The following PDIA5 variants were observed in gnomAD, a reference collection of about 807,000 sequenced individuals.
The protein encoded by PDIA5 is protein disulfide isomerase family A member 5.
A neutral mutation model predicts 77.6 loss-of-function variants in PDIA5; 58 were observed. That is an observed-to-expected ratio of 0.75 (90% CI 0.61 to 0.93). The LOEUF (loss-of-function observed/expected upper bound fraction) is 0.93. Among genes scored for constraint, PDIA5 ranks in the 40% least tolerant of loss-of-function variants. PDIA5 has a pLI of 0.00. For synonymous variants in PDIA5, 250 were observed against 252.1 expected (o/e 0.99, Z 0.08); for missense variants, 630 against 647.7 (o/e 0.97, Z 0.30).
At chr3:123,131,323 G>A (rs1173269441) in intron 11 of PDIA5, among the ~76,000 whole-genome samples, 4 of 152,058 alleles carry the variant, frequency 2.6e-5, no homozygotes, top group African/African-American at 9.7e-5. Flanking sequence ...GGGAGGCTGA[G>A]GCAGGAGAAT....
intron 3 of PDIA5, among the ~76,000 whole-genome samples, chr3:123,094,416 G>T (rs578007041): frequency 2.0e-5 from 3 of 152,326 alleles, no homozygotes; most frequent in Admixed American, 6.5e-5. Context: ...GGCCCATGTA[G>T]GCCACTCTAG....
At chr3:123,084,076 T>C (rs932574070) in intron 1 of PDIA5, among the ~76,000 whole-genome samples, 1 of 152,012 alleles carries the variant, frequency 6.6e-6, no homozygotes, top group African/African-American at 2.4e-5. Context: ...TCTCCCTGGA[T>C]TCTCCCTGAT....
chr3:123,146,857 C>T (rs564034040), intron 13 of PDIA5, among the ~76,000 whole-genome samples: 1 of 152,300 alleles, frequency 6.6e-6, no homozygotes, highest in African/African-American at 2.4e-5. Flanking sequence ...CACTTAGTCA[C>T]CCAGGCTGGA....
rs777724538 is a variant in PDIA5, at chr3:123,124,308, G to A, written c.738G>A (p.Gly246=). Residue 246 remains glycine (G), a synonymous_variant, in exon 10 of 17, where the codon GGG becomes GGA. Transcript: ENST00000316218. ...GRFLFQYDNY[G]STAEDIVEWL... ...TCTTGTTCCAGTATGACAACTATGG[G>A]TCCACAGCTGAGGACATTGTGGAGT... 6.2e-7 allele frequency: 1 copy of A among 1,613,794 alleles called. No homozygotes were observed. Among genetic ancestry groups the A allele is most frequent in the Non-Finnish European group, 8.5e-7 (1 of 1,179,658 alleles).
Position 123,076,535 on chromosome 3 carries a change from C to A in PDIA5, c.42+9329C>A, listed in dbSNP as rs145307200. On this transcript the variant is annotated intron_variant, in intron 1 of 16. Transcript: ENST00000316218. Reference sequence around the variant, plus strand: ...AACTCACTGATTTTATGACTAGACTCCTGGGTTGAGACCTGAAGGGTGGAA... The same window carrying A: ...AACTCACTGATTTTATGACTAGACTACTGGGTTGAGACCTGAAGGGTGGAA... Among the ~76,000 whole-genome samples the A allele has an allele frequency of 2.0e-5, 3 of 152,302 alleles. No homozygotes were observed. In the East Asian group the frequency reaches 5.8e-4, roughly 29 times the overall value.
chr3:123,091,952 C>G (rs112350556), intron 2 of PDIA5, among the ~76,000 whole-genome samples: 2 of 152,212 alleles, frequency 1.3e-5, no homozygotes, highest in East Asian at 3.8e-4. Flanking sequence ...CAACATCATT[C>G]CCTGCTTTAG....
At chr3:123,100,341 C>T (rs961905169) in intron 3 of PDIA5, among the ~76,000 whole-genome samples, 36 of 152,372 alleles carry the variant, frequency 2.4e-4, no homozygotes, top group African/African-American at 8.2e-4. Context: ...AAGAGGCATG[C>T]GTGGACCTCA....
At chr3:123,152,222 CT>C (rs1170575973) in intron 14 of PDIA5, among the ~76,000 whole-genome samples, 1 of 152,114 alleles carries the variant, frequency 6.6e-6, no homozygotes, top group African/African-American at 2.4e-5. Flanking sequence ...CAAATATCAG[CT>C]CTGTGCTGTG....
rs533427475 is a variant in PDIA5, at chr3:123,126,645, G to A, written c.773+2302G>A. Reference sequence around the variant, plus strand: ...TTCCAGTTTCCCCTCACATCCTTTTGGGCAGTAGTGACCTCATCTTTCCTG... The same window carrying A: ...TTCCAGTTTCCCCTCACATCCTTTTAGGCAGTAGTGACCTCATCTTTCCTG... On this transcript the variant is annotated intron_variant, in intron 10 of 16. Transcript: ENST00000316218. 9.9e-4 allele frequency among the ~76,000 whole-genome samples: 150 copies of A among 152,214 alleles called. 1 individual carries two copies. The highest frequency in any genetic ancestry group is 3.4e-3 in the African/African-American group (142 of 41,520).
rs564880458 is a variant in PDIA5, at chr3:123,155,782, C to T, written c.1344+741C>T. ...AACAGGCCCTAGAAGCTGGCAGTCA[C>T]GTGGGATCTGCATTCACACACACCC... On this transcript the variant is annotated intron_variant, in intron 15 of 16. Transcript: ENST00000316218. 9.3e-4 allele frequency among the ~76,000 whole-genome samples: 141 copies of T among 152,264 alleles called. 1 individual carries two copies. The highest frequency in any genetic ancestry group is 3.3e-3 in the African/African-American group (139 of 41,554).
intron 1 of PDIA5, among the ~76,000 whole-genome samples, chr3:123,082,590 C>T (rs1934037843): frequency 6.6e-6 from 1 of 152,102 alleles, no homozygotes. Context: ...CTCCTTCCTG[C>T]CTGGACCTGC....
chr3:123,157,532 T>C, intron 15 of PDIA5, among the ~76,000 whole-genome samples: 1 of 152,190 alleles, frequency 6.6e-6, no homozygotes, highest in East Asian at 1.9e-4. Flanking sequence ...GAACTGGGTC[T>C]CCTGACACCC....
intron 14 of PDIA5, 36 bp downstream of exon 14, chr3:123,150,400 A>G (rs1002005474): frequency 9.4e-6 from 15 of 1,599,670 alleles, no homozygotes; most frequent in Non-Finnish European, 1.2e-5. Flanking sequence ...TGGCACAGTA[A>G]GAGGGGTTTG....
chr3:123,130,471 G>T lies in PDIA5; in HGVS notation c.774-9G>T, dbSNP rs372945980. 51 of 1,611,398 alleles carry T rather than the reference G, an allele frequency of 3.2e-5. No homozygotes were observed. Among genetic ancestry groups the T allele is most frequent in the Non-Finnish European group, 4.0e-5 (47 of 1,178,812 alleles). ...CTGCTCTGAGCTCTGCCTGTTTTTG[G>T]TCTTCCAGTCCGCAGCCGCCACAGC... On this transcript the variant is annotated splice_polypyrimidine_tract_variant and intron_variant, in intron 10 of 16. Coordinates refer to ENST00000316218, the MANE Select transcript of PDIA5 (RefSeq NM_006810.4).
At chr3:123,124,454 G>T (rs1022741253) in intron 10 of PDIA5, 111 bp downstream of exon 10, 1 of 807,940 alleles carries the variant, frequency 1.2e-6, no homozygotes, top group Non-Finnish European at 2.2e-6. Context: ...ATGAGGAAGG[G>T]AATTGTGGTA....
chr3:123,101,329 A>G (rs535732310), intron 3 of PDIA5, among the ~76,000 whole-genome samples: 55 of 152,182 alleles, frequency 3.6e-4, no homozygotes, highest in Admixed American at 1.2e-3. Flanking sequence ...AGGTTCCTGG[A>G]TGATGCTGGT....
At chr3:123,079,282 G>C (rs1306680269) in intron 1 of PDIA5, among the ~76,000 whole-genome samples, 1 of 143,502 alleles carries the variant, frequency 7.0e-6, no homozygotes, top group Non-Finnish European at 1.5e-5. Context: ...CTGGGTTCAC[G>C]CCATTCTCCT....
chr3:123,124,778 G>A (rs1935202975), intron 10 of PDIA5, among the ~76,000 whole-genome samples: 1 of 152,202 alleles, frequency 6.6e-6, no homozygotes, highest in African/African-American at 2.4e-5. Context: ...CCAGGTTTGA[G>A]AGAGGTTCCA....
chr3:123,154,799 A>ATGGGTGGGAG (rs1935982982), intron 14 of PDIA5, among the ~76,000 whole-genome samples, 172 bp from the exon 15 acceptor site: 4 of 152,098 alleles, frequency 2.6e-5, no homozygotes, highest in Admixed American at 2.6e-4. Flanking sequence ...TAGATCAGAC[A>ATGGGTGGGAG]TGGGTGGGAG....
Sources: allele counts gnomAD v4.1 joint callset (sites outside exome capture counted in the v4.1 genomes callset), GRCh38; gene constraint gnomAD v4.1.1; transcripts MANE v1.5; gene names NCBI Gene and HGNC (gene_info 2026-07-23, HGNC 2026-07-21).